The following OR2T10 variants were observed in gnomAD, a reference collection of about 807,000 sequenced individuals.
The protein encoded by OR2T10 is olfactory receptor family 2 subfamily T member 10.
For synonymous variants in OR2T10, 125 were observed against 141.8 expected, an observed-to-expected ratio of 0.88 and a Z score of 0.84; for missense variants, 335 against 382.5, an observed-to-expected ratio of 0.88 and a Z score of 1.04.
chr1:248,593,072 C>T lies in OR2T10; in HGVS notation c.697G>A (p.Gly233Ser). 1.9e-6 allele frequency: 3 copies of T among 1,571,592 alleles called. No individual in the cohort carries two copies. Among genetic ancestry groups the T allele is most frequent in the Non-Finnish European group, 1.7e-6 (2 of 1,156,048 alleles). The change falls in exon 2 of 2, where the codon GGT (glycine) becomes AGT (serine). Residue 233 changes from glycine (G) to serine (S), a missense_variant. By Grantham distance (56) the Gly-to-Ser change is moderately conservative. Coordinates refer to ENST00000642090, the MANE Select transcript of OR2T10 (RefSeq NM_001004693.2). ...LTIHKMNSVE[G>S]RKKAFTTCSS... ...CAGGTGGTGAAGGCCTTTTTCCGAC[C>T]CTCAACTGAGTTCATCTTATGGATG... is the stretch of plus-strand genomic sequence containing the variant.
chr1:248,592,129 C>G lies in OR2T10; in HGVS notation c.*701G>C, dbSNP rs1016397039. 7.0e-6 allele frequency: 1 copy of G among 143,734 alleles called. No individual in the cohort carries two copies. The highest frequency in any genetic ancestry group is 2.7e-5 in the African/African-American group (1 of 36,568). 8.9% of individuals were successfully genotyped at this position (143,734 alleles called of 1,614,324 possible). On this transcript the variant is annotated 3_prime_UTR_variant, in exon 2 of 2. Coordinates refer to ENST00000642090, the MANE Select transcript of OR2T10 (RefSeq NM_001004693.2). ...TTGTAGCCCATGTCTACTGGATAGC[C>G]CATGTCTCTGCTCTAATTTTGGGAG...
rs1419001102 is a variant in OR2T10 at position 248,590,943 on chromosome 1, T to G, written c.*1887A>C. 1 of 143,916 alleles carries G rather than the reference T, an allele frequency of 6.9e-6. No individual in the cohort carries two copies. The allele number at this position is 143,916 out of a possible 1,614,324, so 8.9% of individuals were successfully genotyped here. On this transcript the variant is annotated 3_prime_UTR_variant, in exon 2 of 2. Coordinates refer to ENST00000642090, the MANE Select transcript of OR2T10 (RefSeq NM_001004693.2). ...TACATATTACTCTTTGGGGTTGATG[T>G]TTGTCATTTTTGCTTATATTTCTGA...
rs375663849 is a variant in OR2T10, at chr1:248,592,840, G to A, written c.929C>T (p.Pro310Leu). 2.9e-5 allele frequency: 44 copies of A among 1,526,346 alleles called. 4 individuals carry two copies. Among genetic ancestry groups the A allele is most frequent in the Non-Finnish European group, 3.9e-5 (44 of 1,123,142 alleles). 94.6% of individuals were successfully genotyped at this position (1,526,346 alleles called of 1,614,324 possible). The change falls in exon 2 of 2, where the codon CCT (proline) becomes CTT (leucine). Residue 310 changes from proline (P) to leucine (L), a missense_variant. Physicochemically the swap from Pro to Leu is moderately conservative, Grantham distance 98. Transcript: ENST00000642090. The stretch of plus-strand genomic sequence containing the variant: ...AAGTTCTTTCACACTTTAATATGGA[G>A]GTTTCTGCACGCTCAGCATTTTTTT... The part of the protein sequence containing the change: ...ALKKMLSVQK[P>L]PY
rs375450705 is a variant in OR2T10, at chr1:248,593,798, T to C, written c.-28-2A>G. ...TATGATCGGCTGAAGTGGCTTTACC[T>C]GGAGGACAAAAGTAAACTTTATTTA... On this transcript the variant is annotated splice_acceptor_variant, in intron 1 of 1. Coordinates refer to ENST00000642090, the MANE Select transcript of OR2T10 (RefSeq NM_001004693.2). LOFTEE classifies it low-confidence loss of function (5UTR_SPLICE). The C allele has an allele frequency of 3.8e-5, 47 of 1,237,378 alleles. 2 individuals are homozygous for C. The highest frequency in any genetic ancestry group is 5.3e-5 in the Non-Finnish European group (46 of 867,456). The allele number at this position is 1,237,378 out of a possible 1,614,324, so 76.6% of individuals were successfully genotyped here.
Position 248,595,710 on chromosome 1 carries a change from C to G in OR2T10, c.-29+1782G>C, listed in dbSNP as rs1445497268. Among the ~76,000 whole-genome samples the G allele has an allele frequency of 2.1e-5, 3 of 142,712 alleles. 1 individual carries two copies. The East Asian group carries it at 6.1e-4, about 29-fold the overall frequency. The allele number at this position is 142,712 out of a possible 152,430, so 93.6% of individuals were successfully genotyped here. A position where few individuals can be genotyped will look rare whatever the true frequency, so the allele number is the denominator to read the frequency against. On this transcript the variant is annotated intron_variant, in intron 1 of 1. Coordinates refer to ENST00000642090, the MANE Select transcript of OR2T10 (RefSeq NM_001004693.2). ...ACTAATAAACTATATTTTCCTGGAG[C>G]AGAAAGTAATTTTCTAAGTATAAAG...
At chr1:248,596,878 C>T (rs1417634430) in intron 1 of OR2T10, among the ~76,000 whole-genome samples, 1 of 142,260 alleles carries the variant, frequency 7.0e-6, no homozygotes, top group African/African-American at 2.8e-5. Flanking sequence ...GCTGAAACCT[C>T]TATCAACCAT....
Position 248,593,626 on chromosome 1 carries a change from A to T in OR2T10, c.143T>A (p.Leu48Gln), listed in dbSNP as rs765412934. 6.4e-7 allele frequency: 1 copy of T among 1,563,308 alleles called. No individual in the cohort carries two copies. Among genetic ancestry groups the T allele is most frequent in the Middle Eastern group, 1.7e-4 (1 of 5,968 alleles). ...AVSWNITLIL[L>Q]IHIDSSLHTP... ...ATGCAGAGAGGAGTCAATGTGGATC[A>T]GAAGTATCAATGTAATATTCCAAGA... The change falls in exon 2 of 2, where the codon CTG (leucine) becomes CAG (glutamine). Residue 48 changes from leucine (L) to glutamine (Q), a missense_variant. Physicochemically the swap from Leu to Gln is moderately radical, Grantham distance 113 (BLOSUM62 -2). Transcript: ENST00000642090.
rs1335822286 is a variant in OR2T10 at position 248,593,155 on chromosome 1, A to G, written c.614T>C (p.Ile205Thr). The change falls in exon 2 of 2, where the codon ATC becomes ACC. Residue 205 changes from isoleucine (I) to threonine (T), a missense_variant. Coordinates refer to ENST00000642090, the MANE Select transcript of OR2T10 (RefSeq NM_001004693.2). ...YKIFMYLCCV[I>T]MLLIPVTVIS... ...GACCGTCACAGGTATCAGGAGCATG[A>G]TGACACAGCACAAGTACATGAAAAT... 1.3e-6 allele frequency: 2 copies of G among 1,572,784 alleles called. No individual in the cohort carries two copies. The highest frequency in any genetic ancestry group is 1.7e-5 in the Admixed American group (1 of 58,370).
rs1227634260 is a variant in OR2T10, at chr1:248,597,075, A to G, written c.-29+417T>C. Among the ~76,000 whole-genome samples, 2 of 143,810 alleles carry G rather than the reference A, an allele frequency of 1.4e-5. 1 individual carries two copies. Among genetic ancestry groups the G allele is most frequent in the African/African-American group, 5.5e-5 (2 of 36,640 alleles). 94.3% of individuals were successfully genotyped at this position (143,810 alleles called of 152,430 possible). On this transcript the variant is annotated intron_variant, in intron 1 of 1. Transcript: ENST00000642090. ...AAGTCAGATTTGCCTGGAAAAATAT[A>G]CCACCAGGAGGAAAAGGCTCAAGAT...
Position 248,591,884 on chromosome 1 carries a change from T to C in OR2T10, c.*946A>G, listed in dbSNP as rs1660004789. ...TGAAAATAAAAGTGTTCCATACATG[T>C]CACGCACTAAAAATGGTGCCAGATC... is the stretch of plus-strand genomic sequence containing the variant. On this transcript the variant is annotated 3_prime_UTR_variant, in exon 2 of 2. Transcript: ENST00000642090. The C allele has an allele frequency of 7.0e-6, 1 of 142,404 alleles. No individual in the cohort carries two copies. Among genetic ancestry groups the C allele is most frequent in the South Asian group, 2.2e-4 (1 of 4,470 alleles). The allele number at this position is 142,404 out of a possible 1,614,324, so 8.8% of individuals were successfully genotyped here. A position where few individuals can be genotyped will look rare whatever the true frequency, so the allele number is the denominator to read the frequency against.
At chr1:248,596,590 A>G (rs544817918) in intron 1 of OR2T10, among the ~76,000 whole-genome samples, 1 of 143,712 alleles carries the variant, frequency 7.0e-6, no homozygotes, top group South Asian at 2.2e-4. Flanking sequence ...TAATTTATCC[A>G]CTTCTAGGAA....
intron 1 of OR2T10, among the ~76,000 whole-genome samples, chr1:248,595,939 C>T (rs1391734509): frequency 1.4e-5 from 2 of 143,028 alleles, no homozygotes; most frequent in East Asian, 2.0e-4. Context: ...TCAGGTAAAC[C>T]GTTTCAGAAA....
At position 248,592,711 on chromosome 1, in the gene OR2T10, C is replaced by T; in HGVS notation, c.*119G>A. 1 of 610,002 alleles carries T rather than the reference C, an allele frequency of 1.6e-6. No individual in the cohort carries two copies. The highest frequency in any genetic ancestry group is 2.1e-5 in the South Asian group (1 of 46,954). The allele number at this position is 610,002 out of a possible 1,614,324, so 37.8% of individuals were successfully genotyped here. The stretch of plus-strand genomic sequence containing the variant: ...GAGGGAAGAACACTGGGCTGAATCC[C>T]CCTGAAGGACAACTCAGGGAGTCAG... On this transcript the variant is annotated 3_prime_UTR_variant, in exon 2 of 2. Transcript: ENST00000642090.
In OR2T10 at chr1:248,592,117, C is replaced by A. The variant is rs554134308; in HGVS notation, c.*713G>T. On this transcript the variant is annotated 3_prime_UTR_variant, in exon 2 of 2. Coordinates refer to ENST00000642090, the MANE Select transcript of OR2T10 (RefSeq NM_001004693.2). Reference sequence around the variant, plus strand: ...ACTCCAAACATGTTGTAGCCCATGTCTACTGGATAGCCCATGTCTCTGCTC... The same window carrying A: ...ACTCCAAACATGTTGTAGCCCATGTATACTGGATAGCCCATGTCTCTGCTC... The A allele has an allele frequency of 6.9e-6, 1 of 144,072 alleles. No homozygotes were observed. The highest frequency in any genetic ancestry group is 1.5e-5 in the Non-Finnish European group (1 of 66,420). The allele number at this position is 144,072 out of a possible 1,614,324, so 8.9% of individuals were successfully genotyped here.
rs1298800631 is a variant in OR2T10, at chr1:248,591,491, T to C, written c.*1339A>G. The stretch of plus-strand genomic sequence containing the variant: ...GCTCAGTAGTTATTTGTTGAATGAA[T>C]GAATGACTTGGGGCCTAAAGGAAGA... On this transcript the variant is annotated 3_prime_UTR_variant, in exon 2 of 2. Transcript: ENST00000642090. 2 of 144,128 alleles carry C rather than the reference T, an allele frequency of 1.4e-5. No homozygotes were observed. Among genetic ancestry groups the C allele is most frequent in the Non-Finnish European group, 3.0e-5 (2 of 66,394 alleles). 8.9% of individuals were successfully genotyped at this position (144,128 alleles called of 1,614,324 possible).
At position 248,591,444 on chromosome 1, in the gene OR2T10, CG is replaced by C. The variant is rs1558162492; in HGVS notation, c.*1385del. Reference sequence around the variant, plus strand: ...ACTGATGTATCCTCAGTTTGTAGAACGGGGCCTGGCAAACTATAGGGGCTCA... The same window carrying C: ...ACTGATGTATCCTCAGTTTGTAGAACGGGCCTGGCAAACTATAGGGGCTCA... On this transcript the variant is annotated 3_prime_UTR_variant, in exon 2 of 2. Coordinates refer to ENST00000642090, the MANE Select transcript of OR2T10 (RefSeq NM_001004693.2). 1 of 143,810 alleles carries C rather than the reference CG, an allele frequency of 7.0e-6. No homozygotes were observed. Among genetic ancestry groups the C allele is most frequent in the African/African-American group, 2.7e-5 (1 of 36,632 alleles). 8.9% of individuals were successfully genotyped at this position (143,810 alleles called of 1,614,324 possible).
At position 248,593,762 on chromosome 1, in the gene OR2T10, G is replaced by GC. The variant is rs1558163498; in HGVS notation, c.6dup (p.Leu3AlafsTer9). 5 of 1,536,140 alleles carry GC rather than the reference G, an allele frequency of 3.3e-6. 2 individuals are homozygous for GC. In the South Asian group the frequency reaches 4.6e-5, roughly 14 times the overall value. On this transcript the variant is annotated frameshift_variant, in exon 2 of 2. Coordinates refer to ENST00000642090, the MANE Select transcript of OR2T10 (RefSeq NM_001004693.2). LOFTEE classifies it low-confidence loss of function (END_TRUNC). ...TCACCACCCAGGGTCTGGTTGGCCA[G>GC]CCGCATGCTGTATGATCGGCTGAAG...
chr1:248,594,006 A>C (rs111554495), intron 1 of OR2T10, among the ~76,000 whole-genome samples: 1 of 142,592 alleles, frequency 7.0e-6, no homozygotes, highest in Non-Finnish European at 1.5e-5. Context: ...CTCAATGAAG[A>C]GGTCCATACA....
At chr1:248,596,247 A>T (rs1329013010) in intron 1 of OR2T10, among the ~76,000 whole-genome samples, 2 of 143,228 alleles carry the variant, frequency 1.4e-5, no homozygotes, top group African/African-American at 2.8e-5. Flanking sequence ...AAGTGTATTT[A>T]ATGTCCGCTC....
Sources: allele counts gnomAD v4.1 joint callset (sites outside exome capture counted in the v4.1 genomes callset), GRCh38; gene constraint gnomAD v4.1.1; transcripts MANE v1.5; gene names NCBI Gene and HGNC (gene_info 2026-07-23, HGNC 2026-07-21).